The following SEZ6L variants were observed in gnomAD, a reference collection of about 807,000 sequenced individuals.
SEZ6L encodes the protein seizure related 6 homolog like.
Under a neutral mutation model 106.2 loss-of-function variants are expected in SEZ6L, and 37 were observed. That is an observed-to-expected ratio of 0.35 (90% CI 0.27 to 0.46). The LOEUF (loss-of-function observed/expected upper bound fraction) is 0.46. Among genes scored for constraint, SEZ6L ranks in the 20% least tolerant of loss-of-function variants. SEZ6L has a pLI of 1.00. For missense variants in SEZ6L, 1,172 were observed against 1,332.8 expected, an observed-to-expected ratio of 0.88 and a Z score of 1.88; for synonymous variants, 541 against 570.4, an observed-to-expected ratio of 0.95 and a Z score of 0.73.
At chr22:26,228,879 A>G (rs2078713829) in intron 1 of SEZ6L, among the ~76,000 whole-genome samples, 1 of 152,210 alleles carries the variant, frequency 6.6e-6, no homozygotes, top group Non-Finnish European at 1.5e-5. Flanking sequence ...TTTTTACTCT[A>G]AGCAAGTGAG....
intron 1 of SEZ6L, among the ~76,000 whole-genome samples, chr22:26,285,831 A>G (rs951310026): frequency 2.6e-5 from 4 of 152,088 alleles, no homozygotes; most frequent in Non-Finnish European, 4.4e-5. Flanking sequence ...GTGGTTTTTC[A>G]AGCCTCAAAC....
intron 1 of SEZ6L, among the ~76,000 whole-genome samples, chr22:26,235,312 C>A (rs2078925634): frequency 6.6e-6 from 1 of 152,234 alleles, no homozygotes; most frequent in Non-Finnish European, 1.5e-5. Flanking sequence ...CAAAATCACT[C>A]TTGGTTGAGA....
intron 1 of SEZ6L, among the ~76,000 whole-genome samples, chr22:26,291,426 A>G (rs543449086): frequency 1.8e-4 from 26 of 146,988 alleles, no homozygotes; most frequent in African/African-American, 6.8e-4. Flanking sequence ...AGTAACACAC[A>G]CTGGGGCCTG....
intron 1 of SEZ6L, among the ~76,000 whole-genome samples, chr22:26,229,903 G>C (rs1248379948): frequency 6.6e-6 from 1 of 152,226 alleles, no homozygotes; most frequent in East Asian, 1.9e-4. Context: ...AGGTCCTGCA[G>C]CTATTCCAGA....
In SEZ6L at chr22:26,327,911, A is replaced by G. The variant is rs760762127; in HGVS notation, c.2016-12525A>G. On this transcript the variant is annotated intron_variant, in intron 9 of 16. Transcript: ENST00000248933. ...AAGGAAGCAATGTGGGCAGTGCCAC[A>G]GAGGAAATTCATGGAAGGGCCACAG... 1.1e-3 allele frequency among the ~76,000 whole-genome samples: 169 copies of G among 152,340 alleles called. 1 individual carries two copies. The highest frequency in any genetic ancestry group is 1.9e-3 in the Non-Finnish European group (131 of 68,026).
chr22:26,315,008 C>T (rs2081957529), intron 9 of SEZ6L, among the ~76,000 whole-genome samples: 1 of 152,196 alleles, frequency 6.6e-6, no homozygotes, highest in African/African-American at 2.4e-5. Flanking sequence ...TACAGGGTTC[C>T]TGACAGACCC....
At chr22:26,190,029 G>A (rs529487774) in intron 1 of SEZ6L, among the ~76,000 whole-genome samples, 8 of 151,566 alleles carry the variant, frequency 5.3e-5, no homozygotes, top group Non-Finnish European at 8.8e-5. Context: ...CCCGGGAGGC[G>A]GAGCTTGCAG....
chr22:26,185,082 C>A (rs1460892585), intron 1 of SEZ6L, among the ~76,000 whole-genome samples: 1 of 152,106 alleles, frequency 6.6e-6, no homozygotes, highest in South Asian at 2.1e-4. Flanking sequence ...AGACTCTGTC[C>A]AAACAAAACA....
intron 6 of SEZ6L, among the ~76,000 whole-genome samples, chr22:26,306,940 C>A (rs1264513847): frequency 1.3e-5 from 2 of 152,114 alleles, no homozygotes; most frequent in African/African-American, 2.4e-5. Context: ...TCCTTGGAAT[C>A]AGACATGGTG....
intron 1 of SEZ6L, among the ~76,000 whole-genome samples, chr22:26,177,274 G>A (rs134759): frequency 0.68 from 103,414 of 151,964 alleles, 36,914 homozygotes; most frequent in African/African-American, 0.91. Flanking sequence ...AATAGATGTG[G>A]AATCACTAAG....
intron 1 of SEZ6L, among the ~76,000 whole-genome samples, chr22:26,203,911 C>A (rs1170559561): frequency 6.6e-6 from 1 of 152,104 alleles, no homozygotes; most frequent in African/African-American, 2.4e-5. Flanking sequence ...GGTGATGTTT[C>A]AACTTTTATT....
At chr22:26,332,849 G>A (rs147285943) in intron 9 of SEZ6L, among the ~76,000 whole-genome samples, 2 of 152,318 alleles carry the variant, frequency 1.3e-5, no homozygotes, top group East Asian at 3.9e-4. Flanking sequence ...TTCATGGGCT[G>A]TTGTATAAAA....
chr22:26,169,783 G>C lies in SEZ6L; in HGVS notation c.94+20G>C, dbSNP rs1938447072. ...AGCGAGGTAAGCGCCCCGAGGGGCG[G>C]GGCGGGCAGGGGGCAAAGTTGCCGG... On this transcript the variant is annotated intron_variant, in intron 1 of 16. Coordinates refer to ENST00000248933, the MANE Select transcript of SEZ6L (RefSeq NM_021115.5). The C allele has an allele frequency of 5.0e-6, 6 of 1,202,544 alleles. No individual in the cohort carries two copies. Among genetic ancestry groups the C allele is most frequent in the Non-Finnish European group, 5.2e-6 (5 of 956,668 alleles). The allele number at this position is 1,202,544 out of a possible 1,614,324, so 74.5% of individuals were successfully genotyped here.
rs2081193741 is a variant in SEZ6L, at chr22:26,293,164, C to T, written c.835+18C>T. ...GGCACCAGGTATGCAGCCCCCAACT[C>T]CTGAAGCCATCCTGAAACAGCCATG... On this transcript the variant is annotated intron_variant, in intron 2 of 16. Transcript: ENST00000248933. 3 of 1,488,018 alleles carry T rather than the reference C, an allele frequency of 2.0e-6. No homozygotes were observed. Among genetic ancestry groups the T allele is most frequent in the Admixed American group, 4.9e-5 (2 of 40,920 alleles). The allele number at this position is 1,488,018 out of a possible 1,614,324, so 92.2% of individuals were successfully genotyped here.
chr22:26,221,939 G>A (rs738651), intron 1 of SEZ6L, among the ~76,000 whole-genome samples: 118,280 of 152,158 alleles, frequency 0.78, 47,756 homozygotes, highest in Non-Finnish European at 0.89. Flanking sequence ...GGAAACCAGA[G>A]ACAAATGAAA....
intron 5 of SEZ6L, among the ~76,000 whole-genome samples, chr22:26,300,592 G>A (rs1439727323): frequency 6.6e-6 from 1 of 152,170 alleles, no homozygotes; most frequent in Non-Finnish European, 1.5e-5. Flanking sequence ...CTTTGCTATT[G>A]TGAATAGTGC....
intron 1 of SEZ6L, among the ~76,000 whole-genome samples, chr22:26,278,057 C>A (rs547518200): frequency 6.6e-6 from 1 of 152,092 alleles, no homozygotes; most frequent in South Asian, 2.1e-4. Context: ...TGCCATGAGG[C>A]AGGCAGTGAG....
chr22:26,236,931 A>G (rs1401901674), intron 1 of SEZ6L, among the ~76,000 whole-genome samples: 1 of 152,070 alleles, frequency 6.6e-6, no homozygotes, highest in African/African-American at 2.4e-5. Flanking sequence ...TCATATCCAG[A>G]ACCCTCAACC....
At position 26,169,701 on chromosome 22, in the gene SEZ6L, T is replaced by C. The variant is rs1394533402; in HGVS notation, c.32T>C (p.Leu11Pro). 3 of 1,312,634 alleles carry C rather than the reference T, an allele frequency of 2.3e-6. No homozygotes were observed. In the East Asian group the frequency reaches 9.3e-5, roughly 41 times the overall value. 81.3% of individuals were successfully genotyped at this position (1,312,634 alleles called of 1,614,324 possible). A position where few individuals can be genotyped will look rare whatever the true frequency, so the allele number is the denominator to read the frequency against. Residue 11 changes from leucine to proline, a missense_variant, in exon 1 of 17, where the codon CTC becomes CCC. Physicochemically the swap from Leu to Pro is moderately conservative, Grantham distance 98 (BLOSUM62 -3). Coordinates refer to ENST00000248933, the MANE Select transcript of SEZ6L (RefSeq NM_021115.5). MPAARPPAAG[L>P]RGISLFLALL... ...GCGGCCCGGCCGCCCGCCGCGGGAC[T>C]CCGCGGGATCTCGCTGTTCCTCGCT...
Sources: allele counts gnomAD v4.1 joint callset (sites outside exome capture counted in the v4.1 genomes callset), GRCh38; gene constraint gnomAD v4.1.1; transcripts MANE v1.5; gene names NCBI Gene and HGNC (gene_info 2026-07-23, HGNC 2026-07-21).